The following ATMIN variants were observed in gnomAD, a reference collection of about 807,000 sequenced individuals.
ATMIN encodes the protein ATM interactor.
ATMIN carries 24 observed loss-of-function variants against 49.2 expected under a neutral mutation model. The ratio of observed to expected loss-of-function variants is 0.49; its 90% confidence interval spans 0.35 to 0.69. The LOEUF (loss-of-function observed/expected upper bound fraction) is 0.69, where lower values mean the gene tolerates loss of function less well. Ranked by LOEUF, ATMIN falls within the 30% of genes least tolerant of loss-of-function variation. ATMIN has a pLI of 0.00. For synonymous variants in ATMIN, 450 were observed against 392.5 expected (o/e 1.15, Z -1.73); for missense variants, 1,037 against 1,005.5 (o/e 1.03, Z -0.42).
In ATMIN at chr16:81,036,246, G is replaced by C. The variant is rs142522981; in HGVS notation, c.336+40G>C. 8,377 of 1,262,502 alleles carry C rather than the reference G, an allele frequency of 6.6e-3. 494 individuals carry two copies. In the African/African-American group the frequency reaches 0.12, roughly 18 times the overall value. The allele number at this position is 1,262,502 out of a possible 1,614,324, so 78.2% of individuals were successfully genotyped here. A position where few individuals can be genotyped will look rare whatever the true frequency, so the allele number is the denominator to read the frequency against. On this transcript the variant is annotated intron_variant, in intron 1 of 3. Coordinates refer to ENST00000299575, the MANE Select transcript of ATMIN (RefSeq NM_015251.3). The stretch of plus-strand genomic sequence containing the variant: ...GCCGGCGGCCCGGGGGGCCGGGCCT[G>C]GCTCCAACAAAGCGCCCGGCGCCGG...
At chr16:81,036,227 G>T (rs1242471159) in intron 1 of ATMIN, 21 bp downstream of exon 1, 2 of 1,378,866 alleles carry the variant, frequency 1.5e-6, no homozygotes, top group African/African-American at 1.5e-5. Context: ...CGCGGCCGGC[G>T]GCCCGGGGGG....
At position 81,045,049 on chromosome 16, in the gene ATMIN, T is replaced by A. The variant is rs1971097058; in HGVS notation, c.*79T>A. The A allele has an allele frequency of 6.6e-7, 1 of 1,508,726 alleles. No individual in the cohort carries two copies. Among genetic ancestry groups the A allele is most frequent in the South Asian group, 1.3e-5 (1 of 75,050 alleles). 93.5% of individuals were successfully genotyped at this position (1,508,726 alleles called of 1,614,324 possible). A position where few individuals can be genotyped will look rare whatever the true frequency, so the allele number is the denominator to read the frequency against. On this transcript the variant is annotated 3_prime_UTR_variant, in exon 4 of 4. Coordinates refer to ENST00000299575, the MANE Select transcript of ATMIN (RefSeq NM_015251.3). ...AAACTACGGACTGGGGACAACAGTA[T>A]TAATTCGATTGAATGTGGCTGATGA...
At chr16:81,036,433 G>T (rs1970935666) in intron 1 of ATMIN, among the ~76,000 whole-genome samples, 1 of 152,160 alleles carries the variant, frequency 6.6e-6, no homozygotes, top group South Asian at 2.1e-4. Context: ...CCCCGGGTCC[G>T]CCGTACGCGC....
chr16:81,036,064 C>A lies in ATMIN; in HGVS notation c.194C>A (p.Ala65Glu). 4 of 1,296,340 alleles carry A rather than the reference C, an allele frequency of 3.1e-6. No homozygotes were observed. Among genetic ancestry groups the A allele is most frequent in the Non-Finnish European group, 4.0e-6 (4 of 1,011,768 alleles). 80.3% of individuals were successfully genotyped at this position (1,296,340 alleles called of 1,614,324 possible). ...CAGCCCGCTGTCCCCGCGCCGCCGGCGGGGGAGCTGATCCAGCCGTCGGTG... is the reference window on the plus strand; with the variant it reads ...CAGCCCGCTGTCCCCGCGCCGCCGGAGGGGGAGCTGATCCAGCCGTCGGTG... ...TQQPAVPAPP[A>E]GELIQPSVSE... Residue 65 changes from alanine to glutamate, a missense_variant, in exon 1 of 4, where the codon GCG (alanine) becomes GAG (glutamate). Transcript: ENST00000299575.
At position 81,046,641 on chromosome 16, in the gene ATMIN, G is replaced by C. The variant is rs769154422; in HGVS notation, c.*1671G>C. ...TTCCAGTCAAGTAGGAATCAGTGCAGCCTGTAAGTTCTCCACATTGACACA... is the reference window on the plus strand; with the variant it reads ...TTCCAGTCAAGTAGGAATCAGTGCACCCTGTAAGTTCTCCACATTGACACA... On this transcript the variant is annotated 3_prime_UTR_variant, in exon 4 of 4. Coordinates refer to ENST00000299575, the MANE Select transcript of ATMIN (RefSeq NM_015251.3). The C allele has an allele frequency of 6.9e-6, 1 of 144,228 alleles. No individual in the cohort carries two copies. Among genetic ancestry groups the C allele is most frequent in the Non-Finnish European group, 1.5e-5 (1 of 66,558 alleles). 8.9% of individuals were successfully genotyped at this position (144,228 alleles called of 1,614,324 possible). A position where few individuals can be genotyped will look rare whatever the true frequency, so the allele number is the denominator to read the frequency against.
intron 2 of ATMIN, among the ~76,000 whole-genome samples, chr16:81,041,886 G>A (rs1032652613): frequency 3.3e-5 from 5 of 152,116 alleles, no homozygotes; most frequent in Non-Finnish European, 7.3e-5. Flanking sequence ...AGGAGGGAGG[G>A]CCCCAGTGAC....
rs2602430 is a variant in ATMIN, at chr16:81,035,844, A to C, written c.-27A>C. On this transcript the variant is annotated 5_prime_UTR_variant, in exon 1 of 4. Transcript: ENST00000299575. ...GCTGCGGCGGGGGCGGGGCCTACGA[A>C]CTGGGCCGGGCGGCCGTGCGGGAGC... 9.4e-6 allele frequency: 7 copies of C among 743,416 alleles called. No individual in the cohort carries two copies. Among genetic ancestry groups the C allele is most frequent in the African/African-American group, 1.9e-5 (1 of 52,334 alleles). 46.1% of individuals were successfully genotyped at this position (743,416 alleles called of 1,614,324 possible).
At chr16:81,036,230 C>G (rs761102021) in intron 1 of ATMIN, 24 bp downstream of exon 1, 3 of 1,369,900 alleles carry the variant, frequency 2.2e-6, no homozygotes, top group South Asian at 1.4e-5. Context: ...GGCCGGCGGC[C>G]CGGGGGGCCG....
At chr16:81,041,541 C>T in intron 2 of ATMIN, 60 bp downstream of exon 2, 1 of 1,556,018 alleles carries the variant, frequency 6.4e-7, no homozygotes, top group Non-Finnish European at 8.7e-7. Context: ...ATTCTGATTA[C>T]TTAGCAGACA....
chr16:81,041,199 A>G (rs964117236), intron 1 of ATMIN, 157 bp from the exon 2 acceptor site: 6 of 740,798 alleles, frequency 8.1e-6, no homozygotes, highest in Middle Eastern at 4.0e-4. Context: ...CGTTTAATCT[A>G]CTCATACTCT....
At chr16:81,037,300 C>G in intron 1 of ATMIN, 1 of 985,472 alleles carries the variant, frequency 1.0e-6, no homozygotes, top group Non-Finnish European at 1.2e-6. Flanking sequence ...CATGTTCTGT[C>G]TGCCCATAGT....
At chr16:81,040,670 G>C (rs1381740969) in intron 1 of ATMIN, 3 of 152,226 alleles carry the variant, frequency 2.0e-5, no homozygotes, top group Admixed American at 2.0e-4. Flanking sequence ...GTAGTTTGAA[G>C]CTATGGAGTA....
In ATMIN at chr16:81,042,416, G is replaced by C; in HGVS notation, c.598G>C (p.Ala200Pro). Residue 200 changes from alanine to proline, a missense_variant, in exon 3 of 4, where the codon GCC (alanine) becomes CCC (proline). By Grantham distance (27) the Ala-to-Pro change is conservative. Transcript: ENST00000299575. ...CCGGTGCACATGCGGCTGTCCCTAC[G>C]CCAGTAGAACAGCACTGCAGTCTCA... ...TFRCTCGCPY[A>P]SRTALQSHIY... 3 of 1,614,128 alleles carry C rather than the reference G, an allele frequency of 1.9e-6. No homozygotes were observed. Among genetic ancestry groups the C allele is most frequent in the Non-Finnish European group, 2.5e-6 (3 of 1,180,026 alleles).
At chr16:81,041,247 AATT>A (rs1971031967) in intron 1 of ATMIN, 106 bp from the exon 2 acceptor site, 5 of 1,231,320 alleles carry the variant, frequency 4.1e-6, no homozygotes, top group Non-Finnish European at 5.6e-6. Context: ...AAAAACTCTT[AATT>A]AAAAGTATTT....
chr16:81,042,527 C>A, intron 3 of ATMIN, 47 bp downstream of exon 3: 1 of 1,576,440 alleles, frequency 6.3e-7, no homozygotes, highest in Non-Finnish European at 8.7e-7. Context: ...CTATGGGAAG[C>A]ATTTCAGATG....
chr16:81,037,054 C>A, intron 1 of ATMIN: 1 of 410,902 alleles, frequency 2.4e-6, no homozygotes, highest in Non-Finnish European at 3.3e-6. Context: ...TTATGCAAAA[C>A]AGGGCAGTCA....
Position 81,046,291 on chromosome 16 carries a change from G to T in ATMIN, c.*1321G>T, listed in dbSNP as rs1971118575. 1 of 152,134 alleles carries T rather than the reference G, an allele frequency of 6.6e-6. No individual in the cohort carries two copies. Among genetic ancestry groups the T allele is most frequent in the African/African-American group, 2.4e-5 (1 of 41,416 alleles). 9.4% of individuals were successfully genotyped at this position (152,134 alleles called of 1,614,324 possible). The stretch of plus-strand genomic sequence containing the variant: ...ACTTCTACTAAGCTTGATAGGGCAG[G>T]AGTGCAATCTACAATTATTTTAAAG... On this transcript the variant is annotated 3_prime_UTR_variant, in exon 4 of 4. Coordinates refer to ENST00000299575, the MANE Select transcript of ATMIN (RefSeq NM_015251.3).
In ATMIN at chr16:81,045,677, G is replaced by A. The variant is rs776140756; in HGVS notation, c.*707G>A. ...AGAGGTTTATTGATGTAAAATTATC[G>A]GCTAGGGAAGCAGCAGCGGGCCAGG... On this transcript the variant is annotated 3_prime_UTR_variant, in exon 4 of 4. Transcript: ENST00000299575. 1 of 151,770 alleles carries A rather than the reference G, an allele frequency of 6.6e-6. No homozygotes were observed. Among genetic ancestry groups the A allele is most frequent in the East Asian group, 1.9e-4 (1 of 5,192 alleles). 9.4% of individuals were successfully genotyped at this position (151,770 alleles called of 1,614,324 possible).
intron 1 of ATMIN, among the ~76,000 whole-genome samples, chr16:81,040,130 T>G (rs552467926): frequency 6.6e-6 from 1 of 152,248 alleles, no homozygotes; most frequent in Non-Finnish European, 1.5e-5. Context: ...TTTTCAGTTA[T>G]GCGCACAAAA....
Sources: allele counts gnomAD v4.1 joint callset (sites outside exome capture counted in the v4.1 genomes callset), GRCh38; gene constraint gnomAD v4.1.1; transcripts MANE v1.5; gene names NCBI Gene and HGNC (gene_info 2026-07-23, HGNC 2026-07-21).